Variants in KDM4C observed in about 807,000 individuals in gnomAD.
KDM4C encodes the protein lysine-specific demethylase 4C.
KDM4C carries 81 observed loss-of-function variants against 129.3 expected under a neutral mutation model. The ratio of observed to expected loss-of-function variants is 0.63; its 90% CI spans 0.52 to 0.75. KDM4C has a LOEUF of 0.75. Among genes scored for constraint, KDM4C ranks in the 30% least tolerant of loss-of-function variants. The pLI is 0.00. For synonymous variants in KDM4C, 573 were observed against 456.1 expected, an observed-to-expected ratio of 1.26 and a Z score of -3.26; for missense variants, 1,457 against 1,304.0, an observed-to-expected ratio of 1.12 and a Z score of -1.81.
At chr9:6,850,484 C>T (rs1276408791) in intron 5 of KDM4C, among the ~76,000 whole-genome samples, 1 of 151,858 alleles carries the variant, frequency 6.6e-6, no homozygotes, top group African/African-American at 2.4e-5. Flanking sequence ...CTTGCTCTGT[C>T]GCCCAAGCTG....
At chr9:7,048,096 T>C (rs1396173389) in intron 16 of KDM4C, among the ~76,000 whole-genome samples, 4 of 152,098 alleles carry the variant, frequency 2.6e-5, no homozygotes, top group Admixed American at 2.6e-4. Flanking sequence ...ATTCGCACTA[T>C]ACTGAAAGTC....
chr9:7,107,498 TAC>T (rs1265460894), intron 18 of KDM4C, among the ~76,000 whole-genome samples: 1 of 152,230 alleles, frequency 6.6e-6, no homozygotes, highest in East Asian at 1.9e-4. Context: ...CCTGGCAAGT[TAC>T]TTAGTAAACT....
chr9:6,805,389 C>T (rs1232345526), intron 2 of KDM4C, among the ~76,000 whole-genome samples: 1 of 151,556 alleles, frequency 6.6e-6, no homozygotes, highest in Non-Finnish European at 1.5e-5. Flanking sequence ...AATACAAGTA[C>T]AGTGTTTGGG....
At chr9:6,723,089 G>A (rs1817009651) in intron 1 of KDM4C, among the ~76,000 whole-genome samples, 1 of 152,144 alleles carries the variant, frequency 6.6e-6, no homozygotes, top group South Asian at 2.1e-4. Context: ...TGGTGTCTTA[G>A]TTGTAAAAGT....
At chr9:6,950,095 G>T in intron 8 of KDM4C, among the ~76,000 whole-genome samples, 1 of 107,974 alleles carries the variant, frequency 9.3e-6, no homozygotes. Context: ...TTTTCCTCAA[G>T]CTTTATTGAG....
Position 6,728,193 on chromosome 9 carries a change from C to T in KDM4C, c.49+7196C>T, listed in dbSNP as rs143540773. Reference sequence around the variant, plus strand: ...TAGTGGGATACATAAATAATTGCTTCTTGCCATTGGTGGGTGGGTTCGTAT... The same window carrying T: ...TAGTGGGATACATAAATAATTGCTTTTTGCCATTGGTGGGTGGGTTCGTAT... On this transcript the variant is annotated intron_variant, in intron 1 of 17. Coordinates refer to the KDM4C transcript ENST00000536108. Among the ~76,000 whole-genome samples, 7 of 151,582 alleles carry T rather than the reference C, an allele frequency of 4.6e-5. No homozygotes were observed. In the East Asian group the frequency reaches 1.4e-3, roughly 30 times the overall value.
intron 17 of KDM4C, among the ~76,000 whole-genome samples, chr9:7,082,616 G>A (rs1249234701): frequency 2.6e-5 from 4 of 152,098 alleles, no homozygotes; most frequent in African/African-American, 9.7e-5. Context: ...TGAGAGTCTT[G>A]CTTTGTTCCC....
At chr9:7,046,975 C>A in intron 16 of KDM4C, 58 bp downstream of exon 16, 1 of 1,219,594 alleles carries the variant, frequency 8.2e-7, no homozygotes, top group Non-Finnish European at 1.2e-6. Flanking sequence ...ATTCTAGAAC[C>A]TTTGGATGAC....
chr9:6,730,781 T>G (rs1817306771), intron 1 of KDM4C, among the ~76,000 whole-genome samples: 1 of 151,988 alleles, frequency 6.6e-6, no homozygotes, highest in Non-Finnish European at 1.5e-5. Context: ...AAATCAGAGG[T>G]GAGGTCCTTA....
At chr9:7,084,927 G>A (rs1013415375) in intron 17 of KDM4C, among the ~76,000 whole-genome samples, 2 of 152,226 alleles carry the variant, frequency 1.3e-5, no homozygotes, top group Non-Finnish European at 1.5e-5. Context: ...ATGAAGAAGT[G>A]TTGTGCCATG....
At chr9:7,074,624 A>C (rs1455979154) in intron 17 of KDM4C, among the ~76,000 whole-genome samples, 5 of 152,212 alleles carry the variant, frequency 3.3e-5, no homozygotes. Context: ...TTATAAAGGA[A>C]TGCATATATT....
intron 1 of KDM4C, among the ~76,000 whole-genome samples, chr9:6,733,966 C>T (rs1000552455): frequency 1.3e-5 from 2 of 152,134 alleles, no homozygotes; most frequent in African/African-American, 2.4e-5. Flanking sequence ...GGGTTTTAGC[C>T]GGCGTCTTTA....
intron 18 of KDM4C, among the ~76,000 whole-genome samples, chr9:7,121,742 A>G (rs1418088844): frequency 1.3e-5 from 2 of 152,078 alleles, no homozygotes; most frequent in East Asian, 1.9e-4. Context: ...AAGTAAGTAA[A>G]TCTTAAATGG....
At chr9:6,856,772 A>G in intron 5 of KDM4C, among the ~76,000 whole-genome samples, 1 of 117,508 alleles carries the variant, frequency 8.5e-6, no homozygotes, top group Non-Finnish European at 1.7e-5. Flanking sequence ...TTTTTTTGAG[A>G]CGGAGTCTCG....
chr9:6,881,044 G>A (rs1304873917), intron 6 of KDM4C, among the ~76,000 whole-genome samples: 3 of 152,202 alleles, frequency 2.0e-5, no homozygotes, highest in African/African-American at 4.8e-5. Context: ...GTCCAGTGCA[G>A]ATCTAAGTTT....
chr9:7,074,554 A>G (rs1833652564), intron 17 of KDM4C, among the ~76,000 whole-genome samples: 1 of 152,128 alleles, frequency 6.6e-6, no homozygotes, highest in Non-Finnish European at 1.5e-5. Flanking sequence ...ATGATGTTTG[A>G]CCACGTTATT....
At chr9:6,895,369 G>C (rs1189491841) in intron 8 of KDM4C, among the ~76,000 whole-genome samples, 1 of 152,164 alleles carries the variant, frequency 6.6e-6, no homozygotes, top group African/African-American at 2.4e-5. Context: ...AAGACTAAAC[G>C]TTCATATTTG....
chr9:7,065,590 A>G (rs1477789684), intron 17 of KDM4C, among the ~76,000 whole-genome samples: 1 of 152,230 alleles, frequency 6.6e-6, no homozygotes, highest in African/African-American at 2.4e-5. Context: ...TAATAGACTA[A>G]TGAGCTTTCT....
intron 19 of KDM4C, among the ~76,000 whole-genome samples, chr9:7,155,502 C>G (rs757406188): frequency 9.2e-5 from 14 of 152,134 alleles, no homozygotes; most frequent in Non-Finnish European, 1.5e-4. Context: ...GGCTATCCCT[C>G]CCGCATCCCC....
Sources: allele counts gnomAD v4.1 joint callset (sites outside exome capture counted in the v4.1 genomes callset), GRCh38; gene constraint gnomAD v4.1.1; transcripts MANE v1.5; gene names NCBI Gene and HGNC (gene_info 2026-07-23, HGNC 2026-07-21).